The following UMAD1 variants were observed in gnomAD, a reference collection of about 807,000 sequenced individuals.
UMAD1 encodes the protein UBAP1-MVB12-associated (UMA)-domain containing protein 1.
A neutral mutation model predicts 6.1 loss-of-function variants in UMAD1; 8 were observed. The ratio of observed to expected loss-of-function variants is 1.30; its 90% CI spans 0.76 to 2.35. The LOEUF is 2.35. UMAD1 is among the 30% of genes most tolerant of loss of function. The probability of loss-of-function intolerance (pLI) is 0.00; values close to 1 mark genes in which losing one functional copy is unlikely to be tolerated. For missense variants in UMAD1, 130 were observed against 78.4 expected (o/e 1.66, Z -2.49); for synonymous variants, 56 against 31.4 (o/e 1.78, Z -2.61).
chr7:7,692,966 G>T (rs1780210565), intron 2 of UMAD1, among the ~76,000 whole-genome samples: 2 of 152,140 alleles, frequency 1.3e-5, no homozygotes, highest in African/African-American at 4.8e-5. Context: ...TATATTTTAT[G>T]TGTCTAAAAT....
intron 2 of UMAD1, among the ~76,000 whole-genome samples, chr7:7,731,931 T>C (rs1163005423): frequency 1.3e-5 from 2 of 152,188 alleles, no homozygotes; most frequent in Non-Finnish European, 2.9e-5. Context: ...TGTTTAACAG[T>C]GCTATGATTC....
rs560023576 is a variant in UMAD1, at chr7:7,790,198, T to C, written c.83-11472T>C. 1.1e-4 allele frequency among the ~76,000 whole-genome samples: 16 copies of C among 152,316 alleles called. No homozygotes were observed. In the South Asian group the frequency reaches 2.7e-3, roughly 26 times the overall value. On this transcript the variant is annotated intron_variant, in intron 2 of 3. Transcript: ENST00000682710. Reference sequence around the variant, plus strand: ...GATTCTTAGGCCTTTCACCAGACTTTTCAAGTCAGACTCTCTTGTGAGACT... The same window carrying C: ...GATTCTTAGGCCTTTCACCAGACTTCTCAAGTCAGACTCTCTTGTGAGACT...
chr7:7,657,405 G>GGT (rs1421745126), intron 1 of UMAD1, among the ~76,000 whole-genome samples: 1 of 152,148 alleles, frequency 6.6e-6, no homozygotes, highest in African/African-American at 2.4e-5. Context: ...TGTCCTGAAT[G>GGT]GTATTGCCTA....
At position 7,847,268 on chromosome 7, in the gene UMAD1, G is replaced by T. The variant is rs147884106; in HGVS notation, c.157-30013G>T. On this transcript the variant is annotated intron_variant, in intron 3 of 3. Transcript: ENST00000682710. ...GTTCTGCATTCCAGGAAGCCGTTTA[G>T]TTCTGAGCAAACCAAGATGGTTTTC... 1.9e-4 allele frequency among the ~76,000 whole-genome samples: 29 copies of T among 150,720 alleles called. 1 individual carries two copies. In the East Asian group the frequency reaches 5.7e-3, roughly 29 times the overall value.
At chr7:7,754,447 C>T (rs552901367) in intron 2 of UMAD1, among the ~76,000 whole-genome samples, 38 of 152,176 alleles carry the variant, frequency 2.5e-4, no homozygotes, top group Non-Finnish European at 4.3e-4. Flanking sequence ...ATTTTTTAAT[C>T]GGATTATTAG....
chr7:7,840,591 C>T (rs2077208), intron 3 of UMAD1, among the ~76,000 whole-genome samples: 85,611 of 151,742 alleles, frequency 0.56, 24,943 homozygotes, highest in Middle Eastern at 0.65. Context: ...AGAGGATCCC[C>T]GACTACTTGA....
chr7:7,866,287 G>A (rs1784223511), intron 3 of UMAD1, among the ~76,000 whole-genome samples: 1 of 152,216 alleles, frequency 6.6e-6, no homozygotes, highest in Non-Finnish European at 1.5e-5. Flanking sequence ...GGGAATGAAA[G>A]CTGTAGTCCC....
At chr7:7,647,426 A>T (rs1785121835) in intron 1 of UMAD1, among the ~76,000 whole-genome samples, 1 of 152,178 alleles carries the variant, frequency 6.6e-6, no homozygotes, top group Non-Finnish European at 1.5e-5. Context: ...ACAATTTTTC[A>T]TGTGTGCTTG....
At chr7:7,654,221 T>G (rs1370947240) in intron 1 of UMAD1, among the ~76,000 whole-genome samples, 1 of 152,224 alleles carries the variant, frequency 6.6e-6, no homozygotes, top group Non-Finnish European at 1.5e-5. Context: ...TAGTAGATAC[T>G]TTGAGGCTCA....
At chr7:7,729,540 A>G (rs989310329) in intron 2 of UMAD1, among the ~76,000 whole-genome samples, 28 of 152,132 alleles carry the variant, frequency 1.8e-4, no homozygotes, top group Non-Finnish European at 2.9e-4. Context: ...TACCTCATTG[A>G]TAAGGCTGCC....
intron 2 of UMAD1, among the ~76,000 whole-genome samples, chr7:7,700,411 T>G (rs1780430186): frequency 6.6e-6 from 1 of 152,100 alleles, no homozygotes; most frequent in African/African-American, 2.4e-5. Flanking sequence ...AGAAAACACC[T>G]GAAGTCCAAA....
chr7:7,749,908 T>G (rs1781646759), intron 2 of UMAD1, among the ~76,000 whole-genome samples: 1 of 152,148 alleles, frequency 6.6e-6, no homozygotes, highest in South Asian at 2.1e-4. Flanking sequence ...TTTGCATTCA[T>G]AAATATCCAT....
At chr7:7,782,406 T>C (rs1368557319) in intron 2 of UMAD1, among the ~76,000 whole-genome samples, 1 of 152,162 alleles carries the variant, frequency 6.6e-6, no homozygotes, top group African/African-American at 2.4e-5. Context: ...ATACCAGTAT[T>C]TGTGTCAGGG....
At chr7:7,810,180 G>C (rs542879598) in intron 3 of UMAD1, among the ~76,000 whole-genome samples, 1 of 150,704 alleles carries the variant, frequency 6.6e-6, no homozygotes. Flanking sequence ...GGGTTACAAA[G>C]ATGATTATGA....
intron 2 of UMAD1, among the ~76,000 whole-genome samples, chr7:7,739,459 G>GT (rs780021091): frequency 3.3e-5 from 5 of 152,220 alleles, no homozygotes; most frequent in Non-Finnish European, 5.9e-5. Flanking sequence ...CTTAACAAGT[G>GT]GTTTTTTGAA....
chr7:7,809,536 T>C (rs1242614428), intron 3 of UMAD1, among the ~76,000 whole-genome samples: 1 of 152,070 alleles, frequency 6.6e-6, no homozygotes, highest in Non-Finnish European at 1.5e-5. Flanking sequence ...CTTACGTGCT[T>C]ATCTTTTTTC....
chr7:7,839,194 A>C (rs1783627882), intron 3 of UMAD1, among the ~76,000 whole-genome samples: 1 of 152,138 alleles, frequency 6.6e-6, no homozygotes. Flanking sequence ...GGAAGTATGG[A>C]AACAGCAAGG....
chr7:7,756,784 C>T (rs1409647338), intron 2 of UMAD1, among the ~76,000 whole-genome samples: 1 of 152,210 alleles, frequency 6.6e-6, no homozygotes, highest in African/African-American at 2.4e-5. Flanking sequence ...ATCTGCTAGA[C>T]ACTTATACTG....
At chr7:7,815,201 T>C (rs1302667652) in intron 3 of UMAD1, among the ~76,000 whole-genome samples, 1 of 152,182 alleles carries the variant, frequency 6.6e-6, no homozygotes, top group African/African-American at 2.4e-5. Context: ...ATGTGAACTG[T>C]ATCAGACAGA....
Sources: allele counts gnomAD v4.1 joint callset (sites outside exome capture counted in the v4.1 genomes callset), GRCh38; gene constraint gnomAD v4.1.1; transcripts MANE v1.5; gene names NCBI Gene and HGNC (gene_info 2026-07-23, HGNC 2026-07-21).